SERP1: variants seen among roughly 807,000 people sequenced by gnomAD.
SERP1 encodes stress-associated endoplasmic reticulum protein 1.
Under a neutral mutation model 8.8 loss-of-function variants are expected in SERP1, and 6 were observed. The ratio of observed to expected loss-of-function variants is 0.68; its 90% confidence interval spans 0.37 to 1.35. The LOEUF (loss-of-function observed/expected upper bound fraction) is 1.35. Among genes scored for constraint, SERP1 ranks in the 40% most tolerant of loss-of-function variants. The probability of loss-of-function intolerance (pLI) is 0.02; values close to 1 mark genes in which losing one functional copy is unlikely to be tolerated. For missense variants in SERP1, 52 were observed against 86.2 expected (o/e 0.60, Z 1.57); for synonymous variants, 36 against 28.7 (o/e 1.25, Z -0.81).
At position 150,544,358 on chromosome 3, in the gene SERP1, G is replaced by A. The variant is rs769641131; in HGVS notation, c.*100C>T. ...ATGATAGGAAAGTCATTCTGAGGCA[G>A]GATGCTTTACTGAATTGTTTTCAAC... On this transcript the variant is annotated 3_prime_UTR_variant, in exon 3 of 3. Coordinates refer to ENST00000239944, the MANE Select transcript of SERP1 (RefSeq NM_014445.4). 6 of 1,056,704 alleles carry A rather than the reference G, an allele frequency of 5.7e-6. No individual in the cohort carries two copies. Among genetic ancestry groups the A allele is most frequent in the African/African-American group, 1.6e-5 (1 of 63,448 alleles). The allele number at this position is 1,056,704 out of a possible 1,614,324, so 65.5% of individuals were successfully genotyped here.
At chr3:150,545,828 C>T (rs773913556) in intron 1 of SERP1, 50 bp from the exon 2 acceptor site, 13 of 1,543,830 alleles carry the variant, frequency 8.4e-6, no homozygotes, top group Non-Finnish European at 1.1e-5. Flanking sequence ...CCACTCGGAC[C>T]CCAGGCTCCC....
Position 150,545,700 on chromosome 3 carries a change from T to C in SERP1, c.160+3A>G. 6.2e-7 allele frequency: 1 copy of C among 1,604,754 alleles called. No homozygotes were observed. The highest frequency in any genetic ancestry group is 1.1e-5 in the South Asian group (1 of 89,604). On this transcript the variant is annotated splice_donor_region_variant and intron_variant, in intron 2 of 2. Coordinates refer to ENST00000239944, the MANE Select transcript of SERP1 (RefSeq NM_014445.4). ...ACCTGATGGGAGCCCCCAAGCCACTTACCAGAACCACAGACAACAAAAATG... is the reference window on the plus strand; with the variant it reads ...ACCTGATGGGAGCCCCCAAGCCACTCACCAGAACCACAGACAACAAAAATG...
At chr3:150,545,929 C>A in intron 1 of SERP1, 123 bp downstream of exon 1, 1 of 1,401,916 alleles carries the variant, frequency 7.1e-7, no homozygotes, top group Non-Finnish European at 9.8e-7. Flanking sequence ...CAGACTCGGG[C>A]CCCTACCCCT....
chr3:150,543,212 T>C lies in SERP1; in HGVS notation c.*1246A>G, dbSNP rs1187342704. On this transcript the variant is annotated 3_prime_UTR_variant, in exon 3 of 3. Transcript: ENST00000239944. Reference sequence around the variant, plus strand: ...ATACATAGACACTGCTCAGGTTTTTTTTCACCAAGTTATGGCTAAGTATAC... The same window carrying C: ...ATACATAGACACTGCTCAGGTTTTTCTTCACCAAGTTATGGCTAAGTATAC... The C allele has an allele frequency of 6.6e-6, 1 of 152,610 alleles. No homozygotes were observed. The highest frequency in any genetic ancestry group is 1.5e-5 in the Non-Finnish European group (1 of 68,034). 9.5% of individuals were successfully genotyped at this position (152,610 alleles called of 1,614,324 possible).
At position 150,542,606 on chromosome 3, in the gene SERP1, C is replaced by T. The variant is rs1170238351; in HGVS notation, c.*1852G>A. On this transcript the variant is annotated 3_prime_UTR_variant, in exon 3 of 3. Coordinates refer to ENST00000239944, the MANE Select transcript of SERP1 (RefSeq NM_014445.4). ...CATAATCCAACCTGAATATAAACTG[C>T]ACTTAATTGGTGAATTACACATGAA... The T allele has an allele frequency of 1.3e-5, 2 of 152,226 alleles. No individual in the cohort carries two copies. Among genetic ancestry groups the T allele is most frequent in the Non-Finnish European group, 2.9e-5 (2 of 68,002 alleles). The allele number at this position is 152,226 out of a possible 1,614,324, so 9.4% of individuals were successfully genotyped here.
In SERP1 at chr3:150,546,176, C is replaced by A. The variant is rs768121780; in HGVS notation, c.-41G>T. On this transcript the variant is annotated 5_prime_UTR_variant, in exon 1 of 3. Coordinates refer to ENST00000239944, the MANE Select transcript of SERP1 (RefSeq NM_014445.4). ...ACCTGCCCCGGCCACCCCTCGGACT[C>A]GCTCACTCGCCTGCCTCCTCTGGAG... 1.9e-6 allele frequency: 3 copies of A among 1,603,176 alleles called. No individual in the cohort carries two copies. The highest frequency in any genetic ancestry group is 2.6e-6 in the Non-Finnish European group (3 of 1,174,308).
rs1286619876 is a variant in SERP1 at position 150,546,093 on chromosome 3, T to C, written c.43A>G (p.Ser15Gly). Reference sequence around the variant, plus strand: ...TTGCCGCGCTGGGTGATGTTCTTGCTGTGCTTCTCGTTGGCCATACGGATC... The same window carrying C: ...TTGCCGCGCTGGGTGATGTTCTTGCCGTGCTTCTCGTTGGCCATACGGATC... ...QRIRMANEKH[S>G]KNITQRGNVA... The change falls in exon 1 of 3, where the codon AGC becomes GGC. Residue 15 changes from serine to glycine, a missense_variant. Ser to Gly is a moderately conservative substitution (Grantham distance 56). Transcript: ENST00000239944. The C allele has an allele frequency of 6.2e-7, 1 of 1,613,858 alleles. No individual in the cohort carries two copies.
intron 2 of SERP1, among the ~76,000 whole-genome samples, chr3:150,545,142 C>A (rs911905753): frequency 2.6e-4 from 39 of 152,082 alleles, no homozygotes; most frequent in Admixed American, 7.9e-4. Context: ...AGCAGGCTAC[C>A]CCGACACTTT....
In SERP1 at chr3:150,543,084, T is replaced by C. The variant is rs1299561662; in HGVS notation, c.*1374A>G. 2 of 152,590 alleles carry C rather than the reference T, an allele frequency of 1.3e-5. No individual in the cohort carries two copies. Among genetic ancestry groups the C allele is most frequent in the Non-Finnish European group, 2.9e-5 (2 of 68,008 alleles). 9.5% of individuals were successfully genotyped at this position (152,590 alleles called of 1,614,324 possible). A position where few individuals can be genotyped will look rare whatever the true frequency, so the allele number is the denominator to read the frequency against. On this transcript the variant is annotated 3_prime_UTR_variant, in exon 3 of 3. Coordinates refer to ENST00000239944, the MANE Select transcript of SERP1 (RefSeq NM_014445.4). The stretch of plus-strand genomic sequence containing the variant: ...AGGTTCACGCTGTGTATAGACTAGG[T>C]AGCAGATTTCCCTTCTGTTCCTCTT...
chr3:150,542,389 A>T lies in SERP1; in HGVS notation c.*2069T>A, dbSNP rs1324559044. 1 of 152,236 alleles carries T rather than the reference A, an allele frequency of 6.6e-6. No homozygotes were observed. Among genetic ancestry groups the T allele is most frequent in the East Asian group, 1.9e-4 (1 of 5,200 alleles). The allele number at this position is 152,236 out of a possible 1,614,324, so 9.4% of individuals were successfully genotyped here. A position where few individuals can be genotyped will look rare whatever the true frequency, so the allele number is the denominator to read the frequency against. ...CCACCTATTTCCAGTTATAAACCTT[A>T]CATCTGTGCCTCTGCATACCATTTA... is the stretch of plus-strand genomic sequence containing the variant. On this transcript the variant is annotated 3_prime_UTR_variant, in exon 3 of 3. Transcript: ENST00000239944.
chr3:150,543,414 A>G lies in SERP1; in HGVS notation c.*1044T>C, dbSNP rs74879358. 595 of 152,748 alleles carry G rather than the reference A, an allele frequency of 3.9e-3. 2 individuals carry two copies. Among genetic ancestry groups the G allele is most frequent in the Middle Eastern group, 0.01 (3 of 294 alleles). 9.5% of individuals were successfully genotyped at this position (152,748 alleles called of 1,614,324 possible). A position where few individuals can be genotyped will look rare whatever the true frequency, so the allele number is the denominator to read the frequency against. ...GTAAATCCATTCAATTCCAGATGCCACTTTAGGCTGATGTGTCTAGTACCC... is the reference window on the plus strand; with the variant it reads ...GTAAATCCATTCAATTCCAGATGCCGCTTTAGGCTGATGTGTCTAGTACCC... On this transcript the variant is annotated 3_prime_UTR_variant, in exon 3 of 3. Transcript: ENST00000239944.
rs545690787 is a variant in SERP1 at position 150,542,259 on chromosome 3, C to A, written c.*2199G>T. On this transcript the variant is annotated 3_prime_UTR_variant, in exon 3 of 3. Coordinates refer to ENST00000239944, the MANE Select transcript of SERP1 (RefSeq NM_014445.4). Reference sequence around the variant, plus strand: ...TAAAATTCAACTGGCAAAGGGAGATCAAAGAATTGTGCTTCATCTTGAGCT... The same window carrying A: ...TAAAATTCAACTGGCAAAGGGAGATAAAAGAATTGTGCTTCATCTTGAGCT... 1 of 152,240 alleles carries A rather than the reference C, an allele frequency of 6.6e-6. No individual in the cohort carries two copies. The highest frequency in any genetic ancestry group is 2.4e-5 in the African/African-American group (1 of 41,556). The allele number at this position is 152,240 out of a possible 1,614,324, so 9.4% of individuals were successfully genotyped here.
intron 1 of SERP1, 124 bp downstream of exon 1, chr3:150,545,928 G>C (rs1722989183): frequency 2.1e-6 from 3 of 1,404,988 alleles, no homozygotes; most frequent in Non-Finnish European, 2.0e-6. Flanking sequence ...GCAGACTCGG[G>C]CCCCTACCCC....
At chr3:150,545,443 T>A (rs1722965947) in intron 2 of SERP1, 1 of 488,180 alleles carries the variant, frequency 2.0e-6, no homozygotes, top group African/African-American at 2.0e-5. Flanking sequence ...TAACATTTAT[T>A]CCAACTGGAT....
chr3:150,544,453 T>C lies in SERP1; in HGVS notation c.*5A>G, dbSNP rs1377743225. ...GAGAATGGAAACATCTTAAGGTCAG[T>C]CACTTCACATGCCCATCCTGATACT... On this transcript the variant is annotated 3_prime_UTR_variant, in exon 3 of 3. Coordinates refer to ENST00000239944, the MANE Select transcript of SERP1 (RefSeq NM_014445.4). The C allele has an allele frequency of 6.2e-7, 1 of 1,612,410 alleles. No homozygotes were observed. The highest frequency in any genetic ancestry group is 8.5e-7 in the Non-Finnish European group (1 of 1,178,642).
intron 2 of SERP1, 68 bp from the exon 3 acceptor site, chr3:150,544,566 T>C: frequency 7.8e-7 from 1 of 1,284,736 alleles, no homozygotes; most frequent in South Asian, 1.2e-5. Context: ...TAACAAATAT[T>C]TATTAAGGTA....
At position 150,542,828 on chromosome 3, in the gene SERP1, G is replaced by C. The variant is rs1722902012; in HGVS notation, c.*1630C>G. 6.6e-6 allele frequency: 1 copy of C among 152,576 alleles called. No homozygotes were observed. The highest frequency in any genetic ancestry group is 1.5e-5 in the Non-Finnish European group (1 of 68,004). The allele number at this position is 152,576 out of a possible 1,614,324, so 9.5% of individuals were successfully genotyped here. ...GAATAAGGCACCTGCTATGAATTTA[G>C]CACAACCATAAAACAGAATTAGTTA... On this transcript the variant is annotated 3_prime_UTR_variant, in exon 3 of 3. Coordinates refer to ENST00000239944, the MANE Select transcript of SERP1 (RefSeq NM_014445.4).
rs1462866191 is a variant in SERP1, at chr3:150,542,038, A to G, written c.*2420T>C. ...TCTTTAATGTAAGTCAAAGCCCATCACAATGCATCCTGTTACAATGGAAAT... is the reference window on the plus strand; with the variant it reads ...TCTTTAATGTAAGTCAAAGCCCATCGCAATGCATCCTGTTACAATGGAAAT... On this transcript the variant is annotated 3_prime_UTR_variant, in exon 3 of 3. Coordinates refer to ENST00000239944, the MANE Select transcript of SERP1 (RefSeq NM_014445.4). The G allele has an allele frequency of 2.0e-5, 3 of 152,222 alleles. No individual in the cohort carries two copies. The highest frequency in any genetic ancestry group is 4.8e-5 in the African/African-American group (2 of 41,462). 9.4% of individuals were successfully genotyped at this position (152,222 alleles called of 1,614,324 possible). A position where few individuals can be genotyped will look rare whatever the true frequency, so the allele number is the denominator to read the frequency against.
rs1454075603 is a variant in SERP1 at position 150,542,951 on chromosome 3, G to T, written c.*1507C>A. 1 of 152,556 alleles carries T rather than the reference G, an allele frequency of 6.6e-6. No homozygotes were observed. Among genetic ancestry groups the T allele is most frequent in the African/African-American group, 2.4e-5 (1 of 41,460 alleles). The allele number at this position is 152,556 out of a possible 1,614,324, so 9.5% of individuals were successfully genotyped here. ...TTTAGTTAAAAACCTGCTGGCCCAA[G>T]GTCAGTTGATTCATTCCTTATTCCA... On this transcript the variant is annotated 3_prime_UTR_variant, in exon 3 of 3. Transcript: ENST00000239944.
Sources: allele counts gnomAD v4.1 joint callset (sites outside exome capture counted in the v4.1 genomes callset), GRCh38; gene constraint gnomAD v4.1.1; transcripts MANE v1.5; gene names NCBI Gene and HGNC (gene_info 2026-07-23, HGNC 2026-07-21).